The following ANKRD30A variants were observed in gnomAD, a reference collection of about 807,000 sequenced individuals.
The protein encoded by ANKRD30A is ankyrin repeat domain 30A.
Under a neutral mutation model 166.3 loss-of-function variants are expected in ANKRD30A, and 170 were observed. The observed-to-expected ratio is 1.02, with a 90% CI of 0.90 to 1.16. ANKRD30A has a LOEUF of 1.16. Ranked by LOEUF, ANKRD30A falls within the 50% of genes most tolerant of loss-of-function variation. ANKRD30A has a pLI of 0.00. For missense variants in ANKRD30A, 1,630 were observed against 1,518.0 expected, an observed-to-expected ratio of 1.07 and a Z score of -1.23; for synonymous variants, 564 against 508.9, an observed-to-expected ratio of 1.11 and a Z score of -1.46.
At chr10:37,161,559 G>C (rs1280530888) in intron 15 of ANKRD30A, among the ~76,000 whole-genome samples, 1 of 152,110 alleles carries the variant, frequency 6.6e-6, no homozygotes, top group Non-Finnish European at 1.5e-5. Flanking sequence ...ACTCTGAGAA[G>C]AACAGTTGAG....
chr10:37,147,653 G>A (rs117029961), intron 9 of ANKRD30A, among the ~76,000 whole-genome samples, 196 bp downstream of exon 9: 1,556 of 152,172 alleles, frequency 0.01, 36 homozygotes, highest in East Asian at 0.097. Flanking sequence ...AAAAACAACC[G>A]AATTATTTGT....
intron 24 of ANKRD30A, among the ~76,000 whole-genome samples, chr10:37,183,933 G>C (rs1434170398): frequency 1.3e-5 from 2 of 149,998 alleles, no homozygotes; most frequent in African/African-American, 4.9e-5. Flanking sequence ...CAGATCACGA[G>C]GTTAGGAGAT....
chr10:37,252,681 A>AG, the ANKRD30A span, among the ~76,000 whole-genome samples: 614 of 145,986 alleles, frequency 4.2e-3, 13 homozygotes, highest in East Asian at 0.074. Flanking sequence ...TAAAATTTAC[A>AG]GTTTTTTTTT....
At chr10:37,212,094 C>T (rs189144589) in intron 31 of ANKRD30A, among the ~76,000 whole-genome samples, 282 of 151,822 alleles carry the variant, frequency 1.9e-3, no homozygotes, top group African/African-American at 6.1e-3. Context: ...TTTTTACAGA[C>T]GACATGATTG....
At chr10:37,162,581 C>T (rs878856570) in intron 15 of ANKRD30A, 68 bp from the exon 16 acceptor site, 87 of 1,581,554 alleles carry the variant, frequency 5.5e-5, no homozygotes, top group Admixed American at 1.7e-4. Context: ...AATACTATCA[C>T]GGCATTCATT....
intron 34 of ANKRD30A, 91 bp downstream of exon 34, chr10:37,219,988 AATATATATATATATATAT>A (rs71007624): frequency 2.2e-4 from 42 of 187,900 alleles, no homozygotes; most frequent in Admixed American, 8.2e-4. Context: ...AATCTAGTTG[AATATATATATATATATAT>A]ATATATATAT....
intron 27 of ANKRD30A, among the ~76,000 whole-genome samples, chr10:37,193,641 A>G (rs752039248): frequency 9.1e-4 from 138 of 152,024 alleles, no homozygotes; most frequent in Non-Finnish European, 1.5e-3. Context: ...CTGACATGAC[A>G]GTTGTGAGTG....
chr10:37,213,931 T>G (rs949667307), intron 31 of ANKRD30A, among the ~76,000 whole-genome samples: 2 of 151,658 alleles, frequency 1.3e-5, no homozygotes, highest in Non-Finnish European at 3.0e-5. Context: ...CTTTGAGTAC[T>G]TCTGAAGAAT....
intron 6 of ANKRD30A, among the ~76,000 whole-genome samples, chr10:37,140,438 C>G (rs1837019762): frequency 6.6e-6 from 1 of 152,154 alleles, no homozygotes; most frequent in Non-Finnish European, 1.5e-5. Flanking sequence ...TCCAAAGATA[C>G]CTACTGAATG....
At chr10:37,233,341 G>A (rs1426070977), downstream of ANKRD30A, among the ~76,000 whole-genome samples, 3 of 152,136 alleles carry the variant, frequency 2.0e-5, no homozygotes, top group Non-Finnish European at 4.4e-5. Flanking sequence ...TACAAAAAGA[G>A]GAAGAATGTT....
At chr10:37,205,653 T>C (rs922820836) in intron 31 of ANKRD30A, among the ~76,000 whole-genome samples, 5 of 152,194 alleles carry the variant, frequency 3.3e-5, no homozygotes, top group Non-Finnish European at 7.4e-5. Flanking sequence ...ACATTGGAGA[T>C]GGAATTACCT....
In ANKRD30A at chr10:37,201,240, C is replaced by T. The variant is rs764530231; in HGVS notation, c.2784C>T (p.Leu928=). The part of the protein sequence containing the change: ...VEENSWDSES[L]RETVSQKDVC... ...ATTGATATTACTTTTAACAGAGTCT[C>T]CGTGAGACTGTTTCACAGAAGGATG... The change falls in exon 31 of 36, where the codon CTC becomes CTT. Residue 928 remains leucine (L), a synonymous_variant. Coordinates refer to ENST00000361713, the MANE Select transcript of ANKRD30A (RefSeq NM_052997.3). The T allele has an allele frequency of 3.8e-6, 6 of 1,577,038 alleles. No individual in the cohort carries two copies. The highest frequency in any genetic ancestry group is 4.3e-6 in the Non-Finnish European group (5 of 1,163,910).
At chr10:37,249,063 C>T in the ANKRD30A span, among the ~76,000 whole-genome samples, 1 of 152,092 alleles carries the variant, frequency 6.6e-6, no homozygotes, top group Non-Finnish European at 1.5e-5. Flanking sequence ...AAGGGTGGTT[C>T]CTGGGCCATC....
At chr10:37,225,587 A>C (rs945920550) in intron 34 of ANKRD30A, among the ~76,000 whole-genome samples, 2 of 151,832 alleles carry the variant, frequency 1.3e-5, no homozygotes, top group African/African-American at 4.8e-5. Context: ...GGAAGTAAAA[A>C]TCTGTCAGTG....
chr10:37,245,422 C>CT, the ANKRD30A span, among the ~76,000 whole-genome samples: 4 of 151,098 alleles, frequency 2.6e-5, no homozygotes, highest in South Asian at 2.1e-4. Context: ...GGTTTTATTT[C>CT]TTTTTTTTTC....
At chr10:37,248,569 A>G in the ANKRD30A span, among the ~76,000 whole-genome samples, 1 of 152,138 alleles carries the variant, frequency 6.6e-6, no homozygotes, top group Non-Finnish European at 1.5e-5. Context: ...TTTTTAGGCA[A>G]TCACACAGCC....
chr10:37,246,250 G>T, the ANKRD30A span, among the ~76,000 whole-genome samples: 1 of 152,284 alleles, frequency 6.6e-6, no homozygotes, highest in East Asian at 1.9e-4. Context: ...TACTTATTTT[G>T]CATCTATTGA....
chr10:37,234,242 T>A (rs1843573873), downstream of ANKRD30A, among the ~76,000 whole-genome samples: 1 of 152,190 alleles, frequency 6.6e-6, no homozygotes, highest in African/African-American at 2.4e-5. Context: ...TTTGTTTTTT[T>A]ATTTGAATTC....
At chr10:37,179,049 TATATATATATATATA>T (rs1564529213) in intron 24 of ANKRD30A, among the ~76,000 whole-genome samples, 32 of 123,160 alleles carry the variant, frequency 2.6e-4, no homozygotes, top group African/African-American at 8.9e-4. Flanking sequence ...TATATATATA[TATATATATATATATA>T]GATGTGTGCA....
Sources: gnomAD v4.1 joint callset for allele counts (sites outside exome capture counted in the v4.1 genomes callset) on GRCh38, gnomAD v4.1.1 for gene constraint, MANE v1.5 for transcripts, NCBI Gene and HGNC (gene_info 2026-07-23, HGNC 2026-07-21) for gene names.